The following TMEM131L variants were observed in gnomAD, a reference collection of about 807,000 sequenced individuals.
The protein encoded by TMEM131L is transmembrane protein 131-like.
A neutral mutation model predicts 192.2 loss-of-function variants in TMEM131L; 54 were observed. The ratio of observed to expected loss-of-function variants is 0.28; its 90% CI spans 0.23 to 0.35. The LOEUF is 0.35. Among genes scored for constraint, TMEM131L ranks in the 10% least tolerant of loss-of-function variants. The pLI is 1.00. For missense variants in TMEM131L, 1,888 were observed against 1,972.9 expected, an observed-to-expected ratio of 0.96 and a Z score of 0.82; for synonymous variants, 701 against 704.9, an observed-to-expected ratio of 0.99 and a Z score of 0.09.
chr4:153,582,420 G>GTTTTTTTTTTTTTTTTT (rs1216119441), intron 9 of TMEM131L, among the ~76,000 whole-genome samples: 4 of 81,834 alleles, frequency 4.9e-5, no homozygotes, highest in Non-Finnish European at 7.1e-5. Flanking sequence ...AATTTAAACC[G>GTTTTTTTTTTTTTTTTT]TTTTTTTTTG....
At chr4:153,518,629 G>A (rs1734898966) in intron 3 of TMEM131L, among the ~76,000 whole-genome samples, 1 of 152,166 alleles carries the variant, frequency 6.6e-6, no homozygotes, top group African/African-American at 2.4e-5. Context: ...TAGAAGCGAT[G>A]GGAACATCAG....
At chr4:153,470,359 GC>G (rs1366396844) in intron 2 of TMEM131L, among the ~76,000 whole-genome samples, 1 of 152,136 alleles carries the variant, frequency 6.6e-6, no homozygotes, top group East Asian at 1.9e-4. Flanking sequence ...AGCATGAACG[GC>G]TTTCTTGTTT....
intron 5 of TMEM131L, among the ~76,000 whole-genome samples, chr4:153,556,421 A>T (rs975307459): frequency 2.6e-5 from 4 of 152,114 alleles, no homozygotes; most frequent in Non-Finnish European, 4.4e-5. Context: ...AATAGTTTTA[A>T]TTTCAGTGGT....
chr4:153,634,410 G>A (rs954366697), intron 33 of TMEM131L, 130 bp downstream of exon 33: 13 of 716,950 alleles, frequency 1.8e-5, no homozygotes, highest in African/African-American at 1.0e-4. Flanking sequence ...GTAGACTGCC[G>A]AATGGCTTCA....
At chr4:153,506,768 A>C (rs1734015968) in intron 3 of TMEM131L, among the ~76,000 whole-genome samples, 1 of 150,336 alleles carries the variant, frequency 6.7e-6, no homozygotes, top group East Asian at 2.0e-4. Flanking sequence ...GCTTGAATCC[A>C]GGAGGCAGAG....
At chr4:153,586,082 A>G (rs1730680005) in intron 13 of TMEM131L, 127 bp from the exon 14 acceptor site, 1 of 624,392 alleles carries the variant, frequency 1.6e-6, no homozygotes, top group Non-Finnish European at 2.5e-6. Context: ...CCAACTTTTG[A>G]TCTGGAAATA....
chr4:153,527,948 C>T (rs776513707), intron 3 of TMEM131L, among the ~76,000 whole-genome samples: 3 of 152,136 alleles, frequency 2.0e-5, no homozygotes, highest in South Asian at 4.1e-4. Flanking sequence ...CGTACAACTT[C>T]GAGAAGCTTC....
Position 153,466,410 on chromosome 4 carries a change from C to A in TMEM131L, c.13C>A (p.Arg5=). The change falls in exon 1 of 35, where the codon CGA becomes AGA. Residue 5 remains arginine (R), a synonymous_variant. Transcript: ENST00000409959. The part of the protein sequence containing the change: MAGL[R]RPQPGCYCRT... ...CGCGAGCAGCAGCATGGCGGGGCTC[C>A]GACGCCCGCAGCCCGGCTGCTACTG... The A allele has an allele frequency of 7.4e-7, 1 of 1,349,576 alleles. No individual in the cohort carries two copies. The highest frequency in any genetic ancestry group is 9.6e-7 in the Non-Finnish European group (1 of 1,045,064). 83.6% of individuals were successfully genotyped at this position (1,349,576 alleles called of 1,614,324 possible).
In TMEM131L at chr4:153,552,108, G is replaced by A. The variant is rs147835200; in HGVS notation, c.308+1967G>A. On this transcript the variant is annotated intron_variant, in intron 4 of 34. Coordinates refer to ENST00000409959, the MANE Select transcript of TMEM131L (RefSeq NM_001131007.2). ...ATCTGTAATCCCAGTTACTTGGGAGGTTGAGGCACAAGAGTTGCTTGAGCC... is the reference window on the plus strand; with the variant it reads ...ATCTGTAATCCCAGTTACTTGGGAGATTGAGGCACAAGAGTTGCTTGAGCC... 1.7e-4 allele frequency among the ~76,000 whole-genome samples: 26 copies of A among 152,190 alleles called. No individual in the cohort carries two copies. The East Asian group carries it at 5.1e-3, about 30-fold the overall frequency.
At chr4:153,564,312 A>G (rs1729051692) in intron 7 of TMEM131L, among the ~76,000 whole-genome samples, 1 of 150,434 alleles carries the variant, frequency 6.6e-6, no homozygotes, top group Admixed American at 6.6e-5. Context: ...AAAAAAAAAA[A>G]AAGGCCCAAG....
At position 153,631,595 on chromosome 4, in the gene TMEM131L, C is replaced by T. The variant is rs538701052; in HGVS notation, c.4208-1123C>T. On this transcript the variant is annotated intron_variant, in intron 31 of 34. Transcript: ENST00000409959. Reference sequence around the variant, plus strand: ...CTCCAGAAAGAGACACTATATGTTCCGAGGCTTTTGCTTAGCAAACATCTA... The same window carrying T: ...CTCCAGAAAGAGACACTATATGTTCTGAGGCTTTTGCTTAGCAAACATCTA... 1.4e-4 allele frequency among the ~76,000 whole-genome samples: 22 copies of T among 152,266 alleles called. 1 individual carries two copies. The South Asian group carries it at 2.5e-3, about 17-fold the overall frequency.
intron 7 of TMEM131L, among the ~76,000 whole-genome samples, chr4:153,580,150 C>T (rs1026341700): frequency 6.6e-6 from 1 of 152,222 alleles, no homozygotes; most frequent in African/African-American, 2.4e-5. Context: ...AGCCCCCACC[C>T]TCCTACCCAA....
chr4:153,632,518 ATCGGACACTG>A (rs1162643777), intron 31 of TMEM131L, 190 bp from the exon 32 acceptor site: 1 of 575,998 alleles, frequency 1.7e-6, no homozygotes, highest in Non-Finnish European at 3.0e-6. Flanking sequence ...TCAAGAGACA[ATCGGACACTG>A]TCTGAAGAAA....
At chr4:153,571,037 C>CT (rs1224920712) in intron 7 of TMEM131L, among the ~76,000 whole-genome samples, 2 of 151,506 alleles carry the variant, frequency 1.3e-5, no homozygotes, top group Admixed American at 6.6e-5. Context: ...TTTTTTTTAA[C>CT]TTTTTGGTCT....
chr4:153,510,155 AT>A lies in TMEM131L; in HGVS notation c.239+36277del, dbSNP rs950843326. On this transcript the variant is annotated intron_variant, in intron 3 of 34. Coordinates refer to ENST00000409959, the MANE Select transcript of TMEM131L (RefSeq NM_001131007.2). ...CAGCCTTTGGATAGTTTAAAAAATG[AT>A]TTTTTTTTTGGTATGCTTCCCTATC... Among the ~76,000 whole-genome samples the A allele has an allele frequency of 1.4e-3, 211 of 150,452 alleles. 1 individual carries two copies. The highest frequency in any genetic ancestry group is 4.7e-3 in the African/African-American group (193 of 41,144).
rs548373028 is a variant in TMEM131L, at chr4:153,517,408, C to A, written c.240-32665C>A. Among the ~76,000 whole-genome samples, 3 of 152,222 alleles carry A rather than the reference C, an allele frequency of 2.0e-5. No homozygotes were observed. The South Asian group carries it at 6.2e-4, about 32-fold the overall frequency. On this transcript the variant is annotated intron_variant, in intron 3 of 34. Transcript: ENST00000409959. The stretch of plus-strand genomic sequence containing the variant: ...CCTTTACAAGGCCCTGGGCGGGTTC[C>A]TAGGAATGTTTTTACATGACTGTGT...
chr4:153,467,126 G>T, intron 1 of TMEM131L, 85 bp from the exon 2 acceptor site: 6 of 1,305,550 alleles, frequency 4.6e-6, no homozygotes, highest in Non-Finnish European at 6.5e-6. Flanking sequence ...GGTGAGGCGG[G>T]GGGCACGGAG....
At chr4:153,620,390 C>G (rs868500704) in intron 26 of TMEM131L, among the ~76,000 whole-genome samples, 26 of 152,180 alleles carry the variant, frequency 1.7e-4, no homozygotes, top group African/African-American at 5.5e-4. Flanking sequence ...GAGTTTTTAC[C>G]TAATTTTTCT....
intron 5 of TMEM131L, among the ~76,000 whole-genome samples, chr4:153,556,237 C>G (rs1335618966): frequency 6.6e-6 from 1 of 152,012 alleles, no homozygotes; most frequent in Non-Finnish European, 1.5e-5. Context: ...TGAAATGACT[C>G]CAAATTCTGA....
Sources: gnomAD v4.1 joint callset for allele counts (sites outside exome capture counted in the v4.1 genomes callset) on GRCh38, gnomAD v4.1.1 for gene constraint, MANE v1.5 for transcripts, NCBI Gene and HGNC (gene_info 2026-07-23, HGNC 2026-07-21) for gene names.